L3MBTL4: variants seen among roughly 807,000 people sequenced by gnomAD.
The protein encoded by L3MBTL4 is lethal(3)malignant brain tumor-like protein 4.
Under a neutral mutation model 84.5 loss-of-function variants are expected in L3MBTL4, and 70 were observed. That is an observed-to-expected ratio of 0.83 (90% CI 0.68 to 1.01). L3MBTL4 has a LOEUF of 1.01. L3MBTL4 is among the 50% of genes least tolerant of loss of function. The pLI, the probability that L3MBTL4 is intolerant of heterozygous loss-of-function variation, is 0.00. For missense variants in L3MBTL4, 715 were observed against 754.8 expected, an observed-to-expected ratio of 0.95 and a Z score of 0.62; for synonymous variants, 274 against 259.8, an observed-to-expected ratio of 1.05 and a Z score of -0.52.
At chr18:6,097,805 C>T (rs533840610) in intron 14 of L3MBTL4, among the ~76,000 whole-genome samples, 8 of 152,192 alleles carry the variant, frequency 5.3e-5, no homozygotes, top group South Asian at 4.1e-4. Flanking sequence ...CAGGTGCCTT[C>T]CTGGTATGGA....
At chr18:6,090,205 T>C (rs1417302191) in intron 15 of L3MBTL4, among the ~76,000 whole-genome samples, 1 of 152,200 alleles carries the variant, frequency 6.6e-6, no homozygotes, top group African/African-American at 2.4e-5. Context: ...AGTATGACTC[T>C]TTACAGTTAA....
At chr18:5,980,443 T>TTTC (rs2053161296) in intron 16 of L3MBTL4, among the ~76,000 whole-genome samples, 1 of 151,006 alleles carries the variant, frequency 6.6e-6, no homozygotes, top group East Asian at 2.0e-4. Context: ...TTTTTTTTTT[T>TTTC]TTTTTGAGAT....
In L3MBTL4 at chr18:6,029,056, A is replaced by T. The variant is rs940553359; in HGVS notation, c.1444+51825T>A. ...TAAACAGAATTTGTAAAGAAACCTA[A>T]AAAGTGAAAGTTTAAATCACCGAAA... On this transcript the variant is annotated intron_variant, in intron 16 of 18. Coordinates refer to ENST00000317931, the MANE Select transcript of L3MBTL4 (RefSeq NM_001330559.2). Among the ~76,000 whole-genome samples the T allele has an allele frequency of 3.3e-5, 5 of 152,344 alleles. No individual in the cohort carries two copies. The South Asian group carries it at 1.0e-3, about 32-fold the overall frequency.
chr18:6,291,552 T>C (rs1228265066), intron 4 of L3MBTL4, among the ~76,000 whole-genome samples: 2 of 152,136 alleles, frequency 1.3e-5, no homozygotes, highest in Non-Finnish European at 2.9e-5. Context: ...CATGCACTTA[T>C]AGCCAACTTA....
intron 16 of L3MBTL4, among the ~76,000 whole-genome samples, chr18:5,972,480 G>T (rs1290408423): frequency 6.6e-6 from 1 of 152,140 alleles, no homozygotes; most frequent in Non-Finnish European, 1.5e-5. Context: ...TCCCCAGTGT[G>T]TTGTGAATAC....
chr18:6,307,530 G>A (rs115854044), intron 3 of L3MBTL4, among the ~76,000 whole-genome samples: 2,503 of 152,114 alleles, frequency 0.016, 57 homozygotes, highest in African/African-American at 0.051. Flanking sequence ...ATGCATTCAA[G>A]GTAAATATCT....
chr18:6,267,726 G>A (rs1387617244), intron 4 of L3MBTL4, among the ~76,000 whole-genome samples: 2 of 152,092 alleles, frequency 1.3e-5, no homozygotes, highest in Non-Finnish European at 2.9e-5. Flanking sequence ...CTCCTTTTAT[G>A]ATCACATATG....
At chr18:6,106,464 G>C (rs1455556825) in intron 14 of L3MBTL4, among the ~76,000 whole-genome samples, 2 of 152,152 alleles carry the variant, frequency 1.3e-5, no homozygotes, top group Non-Finnish European at 2.9e-5. Flanking sequence ...GTTGCTGCAA[G>C]AATAAAACAT....
chr18:6,156,862 C>T (rs1232463931), intron 13 of L3MBTL4, among the ~76,000 whole-genome samples: 4 of 152,156 alleles, frequency 2.6e-5, no homozygotes, highest in Admixed American at 2.6e-4. Context: ...CACACTGCAT[C>T]GCAACTGTGA....
intron 13 of L3MBTL4, among the ~76,000 whole-genome samples, chr18:6,145,791 G>T (rs1017289021): frequency 3.9e-5 from 6 of 152,146 alleles, no homozygotes; most frequent in Non-Finnish European, 8.8e-5. Flanking sequence ...AGGTTTATTA[G>T]ACGCTGCTGT....
At chr18:6,036,305 T>A (rs1759317205) in intron 16 of L3MBTL4, among the ~76,000 whole-genome samples, 1 of 152,180 alleles carries the variant, frequency 6.6e-6, no homozygotes, top group Admixed American at 6.5e-5. Flanking sequence ...ATTCTCACAA[T>A]GCATAAGCTG....
At chr18:6,272,507 CG>C (rs1326705155) in intron 4 of L3MBTL4, among the ~76,000 whole-genome samples, 6 of 37,826 alleles carry the variant, frequency 1.6e-4, no homozygotes, top group Middle Eastern at 0.014. Flanking sequence ...TTCAGGAGCA[CG>C]GGGAAAGGGG....
chr18:5,981,651 T>G (rs1374942860), intron 16 of L3MBTL4, among the ~76,000 whole-genome samples: 1 of 140,912 alleles, frequency 7.1e-6, no homozygotes, highest in African/African-American at 3.0e-5. Flanking sequence ...CTCCTTTCTT[T>G]GAGGAAAAAA....
At chr18:6,129,409 T>TGTGTGTGTGTGTGTGTG (rs1598846647) in intron 14 of L3MBTL4, among the ~76,000 whole-genome samples, 2 of 151,076 alleles carry the variant, frequency 1.3e-5, no homozygotes, top group Non-Finnish European at 1.5e-5. Context: ...TGTGTGTGTG[T>TGTGTGTGTGTGTGTGTG]TCCAATTCAC....
intron 10 of L3MBTL4, among the ~76,000 whole-genome samples, chr18:6,220,396 CTTG>C (rs953461901): frequency 2.0e-5 from 3 of 152,146 alleles, no homozygotes; most frequent in African/African-American, 4.8e-5. Context: ...AGTTCTTGTA[CTTG>C]TTGTTCCTTT....
At chr18:6,173,806 T>A (rs540427886) in intron 12 of L3MBTL4, among the ~76,000 whole-genome samples, 1 of 152,014 alleles carries the variant, frequency 6.6e-6, no homozygotes, top group African/African-American at 2.4e-5. Context: ...AAAAAGTCCA[T>A]GGGAGGTTAT....
chr18:6,404,523 T>C (rs1291171198), intron 1 of L3MBTL4, among the ~76,000 whole-genome samples: 1 of 152,188 alleles, frequency 6.6e-6, no homozygotes, highest in African/African-American at 2.4e-5. Flanking sequence ...TCGTGGCCTG[T>C]AGAAAAGTGC....
At chr18:5,958,704 A>G (rs1050630284) in intron 18 of L3MBTL4, among the ~76,000 whole-genome samples, 4 of 152,124 alleles carry the variant, frequency 2.6e-5, no homozygotes, top group African/African-American at 9.7e-5. Flanking sequence ...TGCTGCCTTT[A>G]TTAAGCCCCT....
chr18:6,383,842 T>G (rs1042338820), intron 1 of L3MBTL4, among the ~76,000 whole-genome samples: 1 of 152,228 alleles, frequency 6.6e-6, no homozygotes, highest in Non-Finnish European at 1.5e-5. Flanking sequence ...ATGAATGTTA[T>G]TTCATACACT....
Sources: gnomAD v4.1 joint callset for allele counts (sites outside exome capture counted in the v4.1 genomes callset) on GRCh38, gnomAD v4.1.1 for gene constraint, MANE v1.5 for transcripts, NCBI Gene and HGNC (gene_info 2026-07-23, HGNC 2026-07-21) for gene names.